The following ANO2 variants were observed in gnomAD, a reference collection of about 807,000 sequenced individuals.
ANO2 encodes the protein anoctamin 2, also known as anoctamin-2.
A neutral mutation model predicts 124.2 loss-of-function variants in ANO2; 101 were observed. The ratio of observed to expected loss-of-function variants is 0.81; its 90% confidence interval spans 0.69 to 0.96. The LOEUF (loss-of-function observed/expected upper bound fraction) is 0.96, where lower values mean the gene tolerates loss of function less well. ANO2 is among the 40% of genes least tolerant of loss of function. ANO2 has a pLI of 0.00. For synonymous variants in ANO2, 486 were observed against 482.5 expected, an observed-to-expected ratio of 1.01 and a Z score of -0.09; for missense variants, 1,293 against 1,274.5, an observed-to-expected ratio of 1.01 and a Z score of -0.22.
chr12:5,702,753 C>T (rs1949456506), intron 14 of ANO2, among the ~76,000 whole-genome samples: 1 of 152,056 alleles, frequency 6.6e-6, no homozygotes, highest in African/African-American at 2.4e-5. Context: ...TCTTAAGACA[C>T]AAAAACATAC....
intron 3 of ANO2, among the ~76,000 whole-genome samples, chr12:5,857,477 T>G (rs1955133182): frequency 6.6e-6 from 1 of 152,234 alleles, no homozygotes; most frequent in Non-Finnish European, 1.5e-5. Context: ...TATACCAATT[T>G]ACATTCCTAC....
At chr12:5,659,051 C>T (rs1433187970) in intron 14 of ANO2, among the ~76,000 whole-genome samples, 1 of 152,164 alleles carries the variant, frequency 6.6e-6, no homozygotes, top group Non-Finnish European at 1.5e-5. Context: ...CTCACAACTG[C>T]CTTGTGTGAA....
intron 1 of ANO2, among the ~76,000 whole-genome samples, chr12:5,938,596 G>A (rs931916802): frequency 6.6e-6 from 1 of 152,066 alleles, no homozygotes. Context: ...CGAAGCAAAT[G>A]GATTACCTGA....
intron 16 of ANO2, among the ~76,000 whole-genome samples, chr12:5,621,767 C>T (rs1296533932): frequency 2.7e-5 from 4 of 149,100 alleles, no homozygotes; most frequent in Admixed American, 6.7e-5. Flanking sequence ...GGGTAACCAA[C>T]GAGAGAGATT....
chr12:5,692,969 T>G (rs991769198), intron 14 of ANO2, among the ~76,000 whole-genome samples: 4 of 152,230 alleles, frequency 2.6e-5, no homozygotes, highest in African/African-American at 9.6e-5. Flanking sequence ...GTTCCTCGCA[T>G]GACCCCCTGG....
chr12:5,850,946 G>C (rs1197166518), intron 4 of ANO2, among the ~76,000 whole-genome samples: 1 of 152,240 alleles, frequency 6.6e-6, no homozygotes, highest in African/African-American at 2.4e-5. Context: ...AAGAAAAATA[G>C]GACAGGTATG....
chr12:5,899,852 T>C (rs573533604), intron 3 of ANO2, among the ~76,000 whole-genome samples: 1 of 152,148 alleles, frequency 6.6e-6, no homozygotes, highest in African/African-American at 2.4e-5. Context: ...ATGGTTTGGG[T>C]GTGTGCGCTT....
intron 14 of ANO2, among the ~76,000 whole-genome samples, chr12:5,697,893 C>A (rs1224105486): frequency 6.6e-6 from 1 of 152,208 alleles, no homozygotes; most frequent in Non-Finnish European, 1.5e-5. Flanking sequence ...TGCAAGGTGG[C>A]AGCAAGGCTG....
intron 3 of ANO2, among the ~76,000 whole-genome samples, chr12:5,859,527 C>T (rs1955203099): frequency 6.6e-6 from 1 of 151,790 alleles, no homozygotes; most frequent in South Asian, 2.1e-4. Flanking sequence ...TCTGAGTTCA[C>T]CGGTCTCTCT....
intron 14 of ANO2, among the ~76,000 whole-genome samples, chr12:5,669,911 T>C (rs1335549731): frequency 5.9e-5 from 9 of 152,234 alleles, no homozygotes; most frequent in African/African-American, 2.2e-4. Flanking sequence ...GTCTGATGAA[T>C]TGCTGATCCT....
chr12:5,663,107 G>T (rs891192525), intron 14 of ANO2, among the ~76,000 whole-genome samples: 1 of 152,202 alleles, frequency 6.6e-6, no homozygotes, highest in Non-Finnish European at 1.5e-5. Context: ...GGCGAGGAGA[G>T]ACCATGCCCC....
At chr12:5,786,249 C>T (rs1952536352) in intron 10 of ANO2, among the ~76,000 whole-genome samples, 1 of 152,094 alleles carries the variant, frequency 6.6e-6, no homozygotes, top group African/African-American at 2.4e-5. Flanking sequence ...GAAGTTAGTC[C>T]TGGAAGGAAT....
intron 14 of ANO2, among the ~76,000 whole-genome samples, chr12:5,653,875 G>A (rs188286370): frequency 9.2e-5 from 14 of 152,254 alleles, no homozygotes; most frequent in Middle Eastern, 3.4e-3. Context: ...AGAGTTTCCC[G>A]GGATGAAAAG....
chr12:5,763,399 T>C (rs981397245), intron 10 of ANO2, among the ~76,000 whole-genome samples: 5 of 152,116 alleles, frequency 3.3e-5, no homozygotes, highest in South Asian at 2.1e-4. Flanking sequence ...GTATATACTA[T>C]AGAAATAAGC....
intron 14 of ANO2, among the ~76,000 whole-genome samples, chr12:5,714,505 G>C (rs1206810232): frequency 6.6e-6 from 1 of 152,162 alleles, no homozygotes; most frequent in African/African-American, 2.4e-5. Flanking sequence ...AAATAGCATG[G>C]AACACTCCAG....
chr12:5,563,170 C>A lies in ANO2; in HGVS notation c.*129G>T, dbSNP rs368111882. 8.2e-7 allele frequency: 1 copy of A among 1,218,942 alleles called. No individual in the cohort carries two copies. Among genetic ancestry groups the A allele is most frequent in the Non-Finnish European group, 1.1e-6 (1 of 898,368 alleles). The allele number at this position is 1,218,942 out of a possible 1,614,324, so 75.5% of individuals were successfully genotyped here. ...TCAGGCTCTTTCTTTTTACACACTG[C>A]CCCCTCTTCAAGACCCCATCAAGCC... On this transcript the variant is annotated 3_prime_UTR_variant, in exon 25 of 25. Transcript: ENST00000682330.
At chr12:5,767,377 C>G (rs1045656171) in intron 10 of ANO2, among the ~76,000 whole-genome samples, 1 of 152,158 alleles carries the variant, frequency 6.6e-6, no homozygotes, top group African/African-American at 2.4e-5. Context: ...CTTGGTGAAC[C>G]TAAGAGACAG....
chr12:5,937,184 A>G (rs1311839761), intron 1 of ANO2, among the ~76,000 whole-genome samples: 4 of 152,208 alleles, frequency 2.6e-5, no homozygotes, highest in Non-Finnish European at 5.9e-5. Flanking sequence ...CCAACAGTGT[A>G]TAAGGGCTCC....
Position 5,577,982 on chromosome 12 carries a change from T to G in ANO2, c.2412A>C (p.Gly804=), listed in dbSNP as rs778361646. The change falls in exon 22 of 25, where the codon GGA becomes GGC. Residue 804 remains glycine, a synonymous_variant. Transcript: ENST00000682330. ...TGCTGATAACAGAGAACTTGCCAAT[T>G]CCAGAGAGAATGTCAAACCAGATTC... The part of the protein sequence containing the change: ...DIGIWFDILS[G]IGKFSVISNA... 1 of 1,613,834 alleles carries G rather than the reference T, an allele frequency of 6.2e-7. No individual in the cohort carries two copies. The highest frequency in any genetic ancestry group is 1.1e-5 in the South Asian group (1 of 91,056).
Sources: allele counts gnomAD v4.1 joint callset (sites outside exome capture counted in the v4.1 genomes callset), GRCh38; gene constraint gnomAD v4.1.1; transcripts MANE v1.5; gene names NCBI Gene and HGNC (gene_info 2026-07-23, HGNC 2026-07-21).